Variants in ATR observed in about 807,000 individuals in gnomAD.
ATR encodes serine/threonine-protein kinase ATR.
Under a neutral mutation model 305.3 loss-of-function variants are expected in ATR, and 142 were observed. The observed-to-expected ratio is 0.47, with a 90% confidence interval of 0.41 to 0.53. The LOEUF (loss-of-function observed/expected upper bound fraction) is 0.53. ATR is among the 20% of genes least tolerant of loss of function. ATR has a pLI of 0.00. For missense variants in ATR, 2,135 were observed against 3,133.1 expected, an observed-to-expected ratio of 0.68 and a Z score of 7.60; for synonymous variants, 1,050 against 1,068.1, an observed-to-expected ratio of 0.98 and a Z score of 0.33.
At position 142,553,720 on chromosome 3, in the gene ATR, C is replaced by T; in HGVS notation, c.2553G>A (p.Lys851=). The change falls in exon 12 of 47, where the codon AAG becomes AAA. Residue 851 remains lysine, a synonymous_variant. Coordinates refer to ENST00000350721, the MANE Select transcript of ATR (RefSeq NM_001184.4). ...FIKELFVLRM[K]EAYTHAQISR... ...ATATTTGGGCATGTGTATATGCTTC[C>T]TTCATTCTTAAGACAAAAAGCTAGA... 1 of 1,612,756 alleles carries T rather than the reference C, an allele frequency of 6.2e-7. No homozygotes were observed.
At chr3:142,577,873 G>A (rs1167650974) in intron 1 of ATR, among the ~76,000 whole-genome samples, 1 of 152,220 alleles carries the variant, frequency 6.6e-6, no homozygotes, top group Non-Finnish European at 1.5e-5. Context: ...GTGTATTGAA[G>A]AGGTGTGAGA....
At chr3:142,537,187 T>A (rs766739101) in intron 19 of ATR, among the ~76,000 whole-genome samples, 19 of 152,022 alleles carry the variant, frequency 1.2e-4, no homozygotes, top group Non-Finnish European at 2.5e-4. Context: ...AACTCCTGGG[T>A]TCAAACAATC....
Position 142,556,501 on chromosome 3 carries a change from C to T in ATR, c.1960G>A (p.Ala654Thr), listed in dbSNP as rs748238772. The T allele has an allele frequency of 6.2e-7, 1 of 1,614,098 alleles. No homozygotes were observed. Among genetic ancestry groups the T allele is most frequent in the South Asian group, 1.1e-5 (1 of 91,082 alleles). The change falls in exon 9 of 47, where the codon GCA becomes ACA. Residue 654 changes from alanine (A) to threonine (T), a missense_variant. Transcript: ENST00000350721. Reference sequence around the variant, plus strand: ...CTCTGCAGGGCCCAGTTGTAAACTGCTGTTCTCCACTCAAGGAATATTCTT... The same window carrying T: ...CTCTGCAGGGCCCAGTTGTAAACTGTTGTTCTCCACTCAAGGAATATTCTT... ...PRRIFLEWRTAVYNWALQSSH... is the reference protein window; with the variant it reads ...PRRIFLEWRTTVYNWALQSSH...
At chr3:142,572,212 G>C (rs1185863347) in intron 1 of ATR, among the ~76,000 whole-genome samples, 1 of 151,782 alleles carries the variant, frequency 6.6e-6, no homozygotes. Flanking sequence ...TGGGACTACA[G>C]GCACGTGCCA....
At chr3:142,463,738 T>C (rs2108268606) in intron 41 of ATR, among the ~76,000 whole-genome samples, 2 of 152,342 alleles carry the variant, frequency 1.3e-5, no homozygotes, top group Middle Eastern at 3.4e-3. Flanking sequence ...GCTTTTGAAA[T>C]AGCTTTTTAA....
chr3:142,488,818 G>T lies in ATR; in HGVS notation c.6079-3536C>A, dbSNP rs1217775292. Among the ~76,000 whole-genome samples, 7 of 152,144 alleles carry T rather than the reference G, an allele frequency of 4.6e-5. No homozygotes were observed. The East Asian group carries it at 1.3e-3, about 29-fold the overall frequency. On this transcript the variant is annotated intron_variant, in intron 35 of 46. Coordinates refer to ENST00000350721, the MANE Select transcript of ATR (RefSeq NM_001184.4). Reference sequence around the variant, plus strand: ...AATTCTAATTGTCAATTACCTGTTAGCATTTGATGAGTAATGCATTAAACC... The same window carrying T: ...AATTCTAATTGTCAATTACCTGTTATCATTTGATGAGTAATGCATTAAACC...
At chr3:142,456,176 C>T (rs951390433) in intron 45 of ATR, among the ~76,000 whole-genome samples, 3 of 152,034 alleles carry the variant, frequency 2.0e-5, no homozygotes, top group African/African-American at 7.2e-5. Context: ...GCAGGGAAAT[C>T]ACTTGAACCC....
At chr3:142,556,671 C>CAT (rs1432047733) in intron 8 of ATR, 96 bp from the exon 9 acceptor site, 4 of 1,122,932 alleles carry the variant, frequency 3.6e-6, no homozygotes, top group African/African-American at 3.2e-5. Context: ...TTTGTGTATA[C>CAT]ATATATATAA....
Position 142,566,246 on chromosome 3 carries a change from A to G in ATR, c.167T>C (p.Val56Ala), listed in dbSNP as rs1482462998. Residue 56 changes from valine (V) to alanine (A), a missense_variant, in exon 3 of 47, where the codon GTA becomes GCA. This residue lies in a region of ATR where 744 missense variants were observed against 873.2 expected (regional missense o/e 0.85). Transcript: ENST00000350721. ...TDVNVVAVEL[V>A]KKTDSQPTSV... is the part of the protein sequence containing the mutation. ...GGTTGGCTGAGAGTCAGTTTTCTTT[A>G]CAAGTTCTACAGCAACTAAAACAAT... 1 of 1,613,764 alleles carries G rather than the reference A, an allele frequency of 6.2e-7. No individual in the cohort carries two copies. The highest frequency in any genetic ancestry group is 2.2e-5 in the East Asian group (1 of 44,876).
In ATR at chr3:142,449,366, C is replaced by G; in HGVS notation, c.*63G>C. 6.7e-7 allele frequency: 1 copy of G among 1,484,296 alleles called. No homozygotes were observed. Among genetic ancestry groups the G allele is most frequent in the Non-Finnish European group, 9.4e-7 (1 of 1,064,740 alleles). 91.9% of individuals were successfully genotyped at this position (1,484,296 alleles called of 1,614,324 possible). ...TACTTTAGAATTGAACAGATACAACCACAGATTCATACCAAATGCATTACT... is the reference window on the plus strand; with the variant it reads ...TACTTTAGAATTGAACAGATACAACGACAGATTCATACCAAATGCATTACT... On this transcript the variant is annotated 3_prime_UTR_variant, in exon 47 of 47. Coordinates refer to ENST00000350721, the MANE Select transcript of ATR (RefSeq NM_001184.4).
intron 41 of ATR, among the ~76,000 whole-genome samples, chr3:142,462,399 G>A (rs1206655021): frequency 6.6e-6 from 1 of 151,758 alleles, no homozygotes; most frequent in Admixed American, 6.6e-5. Context: ...AAATGCTGCT[G>A]TTTTATTTTC....
At chr3:142,482,556 G>A (rs2030583298) in intron 36 of ATR, among the ~76,000 whole-genome samples, 1 of 152,174 alleles carries the variant, frequency 6.6e-6, no homozygotes, top group Non-Finnish European at 1.5e-5. Flanking sequence ...ACTGGGCCAA[G>A]AGTGATGGCT....
intron 21 of ATR, among the ~76,000 whole-genome samples, chr3:142,525,479 T>C (rs1217582897): frequency 6.6e-6 from 1 of 152,176 alleles, no homozygotes; most frequent in Non-Finnish European, 1.5e-5. Context: ...TTCCATTAAT[T>C]AACCTAAGGA....
Position 142,497,573 on chromosome 3 carries a change from T to TAATAAATA in ATR, c.5559-389_5559-382dup, listed in dbSNP as rs35792072. Among the ~76,000 whole-genome samples, 592 of 149,028 alleles carry TAATAAATA rather than the reference T, an allele frequency of 4.0e-3. 3 individuals are homozygous for TAATAAATA. Among genetic ancestry groups the TAATAAATA allele is most frequent in the African/African-American group, 7.7e-3 (316 of 40,778 alleles). On this transcript the variant is annotated intron_variant, in intron 32 of 46. Coordinates refer to ENST00000350721, the MANE Select transcript of ATR (RefSeq NM_001184.4). ...CATAGCAAGACCCCGTCCCTTAAAA[T>TAATAAATA]AATAAATAAATAAATAAATAAATAA...
rs145647538 is a variant in ATR at position 142,539,127 on chromosome 3, A to G, written c.3582-502T>C. ...AATTGGTAGCACATGCACACAGAAA[A>G]TAAGTACTTCACGTGATTCTAAAAC... On this transcript the variant is annotated intron_variant, in intron 18 of 46. Coordinates refer to ENST00000350721, the MANE Select transcript of ATR (RefSeq NM_001184.4). Among the ~76,000 whole-genome samples the G allele has an allele frequency of 4.9e-3, 741 of 152,280 alleles. 25 individuals carry two copies. Among genetic ancestry groups the G allele is most frequent in the Admixed American group, 0.028 (421 of 15,276 alleles).
At chr3:142,522,549 A>G (rs1251651216) in intron 23 of ATR, among the ~76,000 whole-genome samples, 179 bp downstream of exon 23, 1 of 152,176 alleles carries the variant, frequency 6.6e-6, no homozygotes, top group Non-Finnish European at 1.5e-5. Context: ...GAAAGTAACT[A>G]TACCTATAAT....
At position 142,519,751 on chromosome 3, in the gene ATR, C is replaced by G; in HGVS notation, c.4300G>C (p.Glu1434Gln). ...LLSIYDCREM[E>Q]TNGPGHQLWR... The stretch of plus-strand genomic sequence containing the variant: ...AATTGGTGACCTGGGCCGTTGGTCT[C>G]CATCTCTCTACAGTCATAAATAGAA... Residue 1434 changes from glutamate (E) to glutamine (Q), a missense_variant, in exon 24 of 47, where the codon GAG becomes CAG. By Grantham distance (29) the Glu-to-Gln change is conservative. Around this residue, in one of 9 missense-constraint regions of ATR, gnomAD observed 202 missense variants for 252.9 expected, o/e 0.80. Transcript: ENST00000350721. The G allele has an allele frequency of 6.2e-7, 1 of 1,613,922 alleles. No homozygotes were observed. The highest frequency in any genetic ancestry group is 1.3e-5 in the African/African-American group (1 of 75,042).
chr3:142,554,047 A>G, intron 10 of ATR, 32 bp from the exon 11 acceptor site: 1 of 1,524,756 alleles, frequency 6.6e-7, no homozygotes, highest in Non-Finnish European at 9.0e-7. Flanking sequence ...TACCTAATTT[A>G]ACATATTAAA....
At chr3:142,516,515 T>C (rs2108382026) in intron 24 of ATR, among the ~76,000 whole-genome samples, 1 of 152,254 alleles carries the variant, frequency 6.6e-6, no homozygotes, top group South Asian at 2.1e-4. Flanking sequence ...CCAGTGATTA[T>C]TTCAAACCAT....
Sources: allele counts gnomAD v4.1 joint callset (sites outside exome capture counted in the v4.1 genomes callset), GRCh38; gene constraint gnomAD v4.1.1; regional missense constraint gnomAD v4.1.1; transcripts MANE v1.5; gene names NCBI Gene and HGNC (gene_info 2026-07-23, HGNC 2026-07-21).